Variants in SEMA3A observed in about 807,000 individuals in gnomAD.
SEMA3A encodes the protein semaphorin-3A.
SEMA3A carries 29 observed loss-of-function variants against 97.9 expected under a neutral mutation model. The ratio of observed to expected loss-of-function variants is 0.30; its 90% confidence interval spans 0.22 to 0.40. SEMA3A has a LOEUF of 0.40. SEMA3A is among the 10% of genes least tolerant of loss of function. The probability of loss-of-function intolerance (pLI) is 1.00; values close to 1 mark genes in which losing one functional copy is unlikely to be tolerated. For missense variants in SEMA3A, 763 were observed against 951.3 expected (o/e 0.80, Z 2.60); for synonymous variants, 321 against 323.7 (o/e 0.99, Z 0.09).
chr7:84,158,766 T>C (rs1427740961), intron 1 of SEMA3A, among the ~76,000 whole-genome samples: 2 of 152,220 alleles, frequency 1.3e-5, no homozygotes, highest in Non-Finnish European at 2.9e-5. Context: ...ATTTTATTGC[T>C]AATAATTCTT....
chr7:84,118,751 G>A (rs368130212), intron 3 of SEMA3A, among the ~76,000 whole-genome samples: 86 of 152,196 alleles, frequency 5.7e-4, no homozygotes, highest in African/African-American at 5.8e-4. Flanking sequence ...CTTCATGTTC[G>A]GCTTTTCCTC....
At chr7:84,045,261 C>T (rs1456645837) in intron 6 of SEMA3A, among the ~76,000 whole-genome samples, 1 of 151,904 alleles carries the variant, frequency 6.6e-6, no homozygotes, top group Non-Finnish European at 1.5e-5. Flanking sequence ...TTACTGAGAA[C>T]ATGACTATAA....
chr7:84,137,157 T>C (rs1238939019), intron 1 of SEMA3A, among the ~76,000 whole-genome samples: 1 of 151,978 alleles, frequency 6.6e-6, no homozygotes, highest in African/African-American at 2.4e-5. Context: ...TCTCAGCACT[T>C]TGGTAGTCCA....
intron 1 of SEMA3A, among the ~76,000 whole-genome samples, chr7:84,426,384 A>C (rs1584316955): frequency 6.6e-6 from 1 of 152,068 alleles, no homozygotes; most frequent in East Asian, 1.9e-4. Context: ...TCAGGTTCTA[A>C]GTATTTGTTG....
intron 1 of SEMA3A, among the ~76,000 whole-genome samples, chr7:84,468,176 T>G (rs1217117471): frequency 6.6e-6 from 1 of 152,214 alleles, no homozygotes; most frequent in Non-Finnish European, 1.5e-5. Context: ...TACTGTATTT[T>G]TAAATTGGAA....
chr7:84,037,902 G>A (rs1200579567), intron 6 of SEMA3A, among the ~76,000 whole-genome samples: 1 of 151,810 alleles, frequency 6.6e-6, no homozygotes, highest in Non-Finnish European at 1.5e-5. Flanking sequence ...AATTTCTTTA[G>A]TCATGTAGTA....
chr7:84,263,925 G>A (rs948236317), intron 3 of SEMA3A, among the ~76,000 whole-genome samples: 8 of 152,036 alleles, frequency 5.3e-5, no homozygotes, highest in East Asian at 1.9e-4. Context: ...TTTGAATAGC[G>A]GCAACACAAT....
chr7:84,444,564 C>CTTTTTTTTT (rs201008229), intron 1 of SEMA3A, among the ~76,000 whole-genome samples: 2 of 138,804 alleles, frequency 1.4e-5, no homozygotes, highest in Non-Finnish European at 1.6e-5. Flanking sequence ...TTCTTTTTTT[C>CTTTTTTTTT]TTTTTTTTTT....
intron 1 of SEMA3A, among the ~76,000 whole-genome samples, chr7:84,491,951 C>T (rs1806745321): frequency 6.6e-6 from 1 of 152,124 alleles, no homozygotes; most frequent in South Asian, 2.1e-4. Flanking sequence ...TTTAGTGTCA[C>T]TTCTCTAGTA....
rs144701441 is a variant in SEMA3A at position 83,963,216 on chromosome 7, G to A, written c.1849C>T (p.Arg617Ter). The change falls in exon 16 of 17, where the codon CGA (arginine) becomes TGA (stop). Residue 617 changes from arginine to a stop codon, truncating the protein, a stop_gained. Transcript: ENST00000265362. LOFTEE classifies it high-confidence loss of function. ...YWQFQRRNEE[R>*]KEEIRVDDHI... is the part of the protein sequence containing the mutation. Reference sequence around the variant, plus strand: ...TTTCATTCCTGTACCTCTTCTTTTCGCTCTTCATTTCGCCTCTGGAATTGC... The same window carrying A: ...TTTCATTCCTGTACCTCTTCTTTTCACTCTTCATTTCGCCTCTGGAATTGC... The A allele has an allele frequency of 3.1e-6, 5 of 1,612,758 alleles. No individual in the cohort carries two copies. The highest frequency in any genetic ancestry group is 4.2e-6 in the Non-Finnish European group (5 of 1,179,912).
At chr7:84,182,566 C>T (rs994610053) in intron 1 of SEMA3A, among the ~76,000 whole-genome samples, 2 of 151,982 alleles carry the variant, frequency 1.3e-5, no homozygotes, top group African/African-American at 4.8e-5. Flanking sequence ...GTACTCAGAT[C>T]CAGAAGAACT....
intron 6 of SEMA3A, among the ~76,000 whole-genome samples, chr7:84,029,904 T>A (rs1791680496): frequency 1.3e-5 from 2 of 152,048 alleles, no homozygotes; most frequent in Admixed American, 1.3e-4. Flanking sequence ...ACAAAACAGA[T>A]GTTTTTAATG....
At chr7:84,016,367 G>A (rs1036137642) in intron 6 of SEMA3A, among the ~76,000 whole-genome samples, 1 of 151,914 alleles carries the variant, frequency 6.6e-6, no homozygotes. Context: ...GTGAAAGCCT[G>A]TCTCTACTAA....
In SEMA3A at chr7:84,361,772, G is replaced by A. The variant is rs77774594; in HGVS notation, c.-169+10052C>T. Among the ~76,000 whole-genome samples the A allele has an allele frequency of 1.1e-3, 163 of 152,064 alleles. No individual in the cohort carries two copies. The East Asian group carries it at 0.027, about 25-fold the overall frequency. On this transcript the variant is annotated intron_variant, in intron 2 of 3. Coordinates refer to the SEMA3A transcript ENST00000424555. ...AAATACTAATGACATAATTAAAAGG[G>A]TCAGAGAAGCATCTTTATGGGTAGG...
At chr7:84,290,410 C>A in intron 3 of SEMA3A, among the ~76,000 whole-genome samples, 1 of 151,568 alleles carries the variant, frequency 6.6e-6, no homozygotes, top group East Asian at 2.0e-4. Flanking sequence ...ATACTCTTTT[C>A]ATTTTTAGAT....
intron 3 of SEMA3A, among the ~76,000 whole-genome samples, chr7:84,287,567 T>A (rs1800621954): frequency 6.6e-6 from 1 of 152,178 alleles, no homozygotes; most frequent in African/African-American, 2.4e-5. Flanking sequence ...AATTTCCATA[T>A]CACTTCATTC....
At chr7:84,457,905 C>T (rs1805725570) in intron 1 of SEMA3A, among the ~76,000 whole-genome samples, 1 of 151,870 alleles carries the variant, frequency 6.6e-6, no homozygotes, top group East Asian at 1.9e-4. Flanking sequence ...GGGAAATTAA[C>T]AAACAGATAG....
At chr7:84,413,955 T>A (rs1804353520) in intron 1 of SEMA3A, among the ~76,000 whole-genome samples, 1 of 152,098 alleles carries the variant, frequency 6.6e-6, no homozygotes. Context: ...TAAAGCCTTA[T>A]GAAGTATGTA....
rs147799145 is a variant in SEMA3A at position 84,348,812 on chromosome 7, G to A, written c.-169+23012C>T. Among the ~76,000 whole-genome samples the A allele has an allele frequency of 3.2e-3, 494 of 152,132 alleles. 8 individuals are homozygous for A. The highest frequency in any genetic ancestry group is 0.03 in the East Asian group (157 of 5,150). On this transcript the variant is annotated intron_variant, in intron 2 of 3. Transcript: ENST00000424555. ...AGCCTGGCCAACATGGTGAAACCCCGTCTCTACTAAAAATACAAAAAATTA... is the reference window on the plus strand; with the variant it reads ...AGCCTGGCCAACATGGTGAAACCCCATCTCTACTAAAAATACAAAAAATTA...
Sources: gnomAD v4.1 joint callset for allele counts (sites outside exome capture counted in the v4.1 genomes callset) on GRCh38, gnomAD v4.1.1 for gene constraint, MANE v1.5 for transcripts, NCBI Gene and HGNC (gene_info 2026-07-23, HGNC 2026-07-21) for gene names.